Variants in RAB3GAP2 observed in about 807,000 individuals in gnomAD.
The protein encoded by RAB3GAP2 is rab3 GTPase-activating protein non-catalytic subunit.
Under a neutral mutation model 185.3 loss-of-function variants are expected in RAB3GAP2, and 87 were observed. The observed-to-expected ratio is 0.47, with a 90% CI of 0.39 to 0.56. The LOEUF (loss-of-function observed/expected upper bound fraction) is 0.56. RAB3GAP2 is among the 20% of genes least tolerant of loss of function. RAB3GAP2 has a pLI of 0.00. For synonymous variants in RAB3GAP2, 554 were observed against 576.1 expected (o/e 0.96, Z 0.55); for missense variants, 1,492 against 1,638.2 (o/e 0.91, Z 1.54).
At chr1:220,227,732 T>C (rs1659426702) in intron 2 of RAB3GAP2, among the ~76,000 whole-genome samples, 1 of 152,156 alleles carries the variant, frequency 6.6e-6, no homozygotes. Context: ...TGGTGGAGAA[T>C]CCTATAATTG....
At chr1:220,249,899 C>T (rs1330366846) in intron 1 of RAB3GAP2, among the ~76,000 whole-genome samples, 1 of 152,148 alleles carries the variant, frequency 6.6e-6, no homozygotes. Context: ...GAACCTCTGC[C>T]TAGATTTCTG....
chr1:220,244,958 A>G (rs1396081230), intron 1 of RAB3GAP2, among the ~76,000 whole-genome samples: 1 of 152,218 alleles, frequency 6.6e-6, no homozygotes, highest in African/African-American at 2.4e-5. Context: ...GCAAAAACAA[A>G]AATAAATAAA....
At chr1:220,184,215 A>G (rs1335548095) in intron 18 of RAB3GAP2, 52 bp from the exon 19 acceptor site, 3 of 1,502,720 alleles carry the variant, frequency 2.0e-6, no homozygotes, top group Admixed American at 1.7e-5. Context: ...ACAGACTCAT[A>G]AACAGGCTTT....
chr1:220,180,958 C>T (rs1658392874), intron 21 of RAB3GAP2, among the ~76,000 whole-genome samples: 2 of 152,192 alleles, frequency 1.3e-5, no homozygotes, highest in Admixed American at 6.5e-5. Context: ...AAAAGATGGA[C>T]GGTTCCATCT....
At chr1:220,266,720 G>C in intron 1 of RAB3GAP2, 1 of 1,579,636 alleles carries the variant, frequency 6.3e-7, no homozygotes, top group East Asian at 2.2e-5. Context: ...ATACTTGCTA[G>C]TTGATTCTTT....
intron 26 of RAB3GAP2, among the ~76,000 whole-genome samples, chr1:220,165,350 T>C (rs1233773607): frequency 6.6e-6 from 1 of 151,484 alleles, no homozygotes; most frequent in East Asian, 1.9e-4. Context: ...GAGAAAAACA[T>C]TAAAGCAGGA....
chr1:220,174,254 A>C (rs1193471640), intron 21 of RAB3GAP2, among the ~76,000 whole-genome samples: 1 of 151,976 alleles, frequency 6.6e-6, no homozygotes, highest in African/African-American at 2.4e-5. Flanking sequence ...GAAACCACAC[A>C]TATATACACA....
rs41304119 is a variant in RAB3GAP2 at position 220,267,072 on chromosome 1, T to C, written c.115+5151A>G. 9,530 of 1,601,452 alleles carry C rather than the reference T, an allele frequency of 6.0e-3. 32 individuals are homozygous for C. The highest frequency in any genetic ancestry group is 6.9e-3 in the Non-Finnish European group (8,012 of 1,168,810). Reference sequence around the variant, plus strand: ...CACAGAGAGTGGTCCTCCTGGAAGATGGAGCATGTTCTGACCACCCAAAAT... The same window carrying C: ...CACAGAGAGTGGTCCTCCTGGAAGACGGAGCATGTTCTGACCACCCAAAAT... On this transcript the variant is annotated intron_variant, in intron 1 of 34. Transcript: ENST00000358951.
intron 26 of RAB3GAP2, 65 bp downstream of exon 26, chr1:220,167,228 C>G (rs1658085094): frequency 6.5e-6 from 9 of 1,379,328 alleles, no homozygotes; most frequent in Non-Finnish European, 8.2e-6. Flanking sequence ...ATTAGACGGT[C>G]CCCATATATG....
intron 27 of RAB3GAP2, among the ~76,000 whole-genome samples, chr1:220,163,430 T>C (rs1166818979): frequency 6.6e-6 from 1 of 150,720 alleles, no homozygotes; most frequent in Non-Finnish European, 1.5e-5. Context: ...TGGAGTGATC[T>C]CTGCTCACTG....
intron 31 of RAB3GAP2, among the ~76,000 whole-genome samples, chr1:220,155,068 C>T (rs530451301): frequency 1.3e-5 from 2 of 152,116 alleles, no homozygotes; most frequent in Non-Finnish European, 2.9e-5. Context: ...TTAAAAACAC[C>T]TTATTTAAAA....
intron 2 of RAB3GAP2, among the ~76,000 whole-genome samples, chr1:220,215,507 T>C (rs1205966356): frequency 2.6e-5 from 4 of 152,144 alleles, no homozygotes; most frequent in Admixed American, 1.3e-4. Flanking sequence ...CATTTTTATA[T>C]AAAGGAAAGG....
chr1:220,250,256 G>C (rs919850402), intron 1 of RAB3GAP2, among the ~76,000 whole-genome samples: 1 of 152,208 alleles, frequency 6.6e-6, no homozygotes, highest in Non-Finnish European at 1.5e-5. Context: ...ATGGACGTGA[G>C]ACATGGAGTC....
chr1:220,173,112 A>T (rs1388057809), intron 21 of RAB3GAP2, among the ~76,000 whole-genome samples: 1 of 152,194 alleles, frequency 6.6e-6, no homozygotes, highest in Admixed American at 6.5e-5. Flanking sequence ...CTGGAGAGAG[A>T]GGTAGGATCT....
intron 1 of RAB3GAP2, among the ~76,000 whole-genome samples, chr1:220,243,414 C>T (rs1659737551): frequency 6.6e-6 from 1 of 151,834 alleles, no homozygotes; most frequent in Admixed American, 6.6e-5. Context: ...AAGCATTGCT[C>T]TAAGCACAAC....
intron 2 of RAB3GAP2, among the ~76,000 whole-genome samples, chr1:220,220,001 T>TG (rs1485443892): frequency 6.6e-6 from 1 of 152,184 alleles, no homozygotes; most frequent in Non-Finnish European, 1.5e-5. Context: ...TCCCCAATAA[T>TG]GGGGCCCACA....
chr1:220,198,471 C>G (rs907242803), intron 9 of RAB3GAP2, among the ~76,000 whole-genome samples: 1 of 152,076 alleles, frequency 6.6e-6, no homozygotes, highest in African/African-American at 2.4e-5. Flanking sequence ...GTTTTTCTGC[C>G]CTTTATATTG....
In RAB3GAP2 at chr1:220,205,985, A is replaced by G. The variant is rs1658956929; in HGVS notation, c.634T>C (p.Tyr212His). ...TCAATAGTCACAATGGCAGCTGGAT[A>G]TAAGATACTCAACTCTTCATTCTAT... ...TEQNEELSIL[Y>H]PAAIVTIDGF... is the part of the protein sequence containing the mutation. The change falls in exon 8 of 35, where the codon TAT becomes CAT. Residue 212 changes from tyrosine to histidine, a missense_variant. Physicochemically the swap from Tyr to His is moderately conservative, Grantham distance 83. Around this residue, in one of 5 missense-constraint regions of RAB3GAP2, gnomAD observed 243 missense variants for 314.8 expected, o/e 0.77. Coordinates refer to ENST00000358951, the MANE Select transcript of RAB3GAP2 (RefSeq NM_012414.4). 1.9e-6 allele frequency: 3 copies of G among 1,605,972 alleles called. No individual in the cohort carries two copies. The highest frequency in any genetic ancestry group is 1.7e-5 in the Admixed American group (1 of 59,938).
chr1:220,171,949 C>A lies in RAB3GAP2; in HGVS notation c.2517G>T (p.Leu839Phe). 6.2e-7 allele frequency: 1 copy of A among 1,614,212 alleles called. No homozygotes were observed. The highest frequency in any genetic ancestry group is 8.5e-7 in the Non-Finnish European group (1 of 1,180,040). Reference protein sequence around the residue: ...IQSENNGAALLSAHVGHSVAA... With the variant: ...IQSENNGAALFSAHVGHSVAA... ...CAACAGAATGCCCAACATGCGCAGACAACAGAGCGGCTCCATTGTTCTCAG... is the reference window on the plus strand; with the variant it reads ...CAACAGAATGCCCAACATGCGCAGAAAACAGAGCGGCTCCATTGTTCTCAG... The change falls in exon 23 of 35, where the codon TTG becomes TTT. Residue 839 changes from leucine (L) to phenylalanine (F), a missense_variant. Around this residue, in one of 5 missense-constraint regions of RAB3GAP2, gnomAD observed 681 missense variants for 689.1 expected, o/e 0.99. Transcript: ENST00000358951.
Sources: gnomAD v4.1 joint callset for allele counts (sites outside exome capture counted in the v4.1 genomes callset) on GRCh38, gnomAD v4.1.1 for gene constraint, gnomAD v4.1.1 regional missense constraint, MANE v1.5 for transcripts, NCBI Gene and HGNC (gene_info 2026-07-23, HGNC 2026-07-21) for gene names.